Variants in TMEM178A observed in about 807,000 individuals in gnomAD.
The protein encoded by TMEM178A is transmembrane protein 178A, also known as transmembrane protein 178.
Under a neutral mutation model 29.1 loss-of-function variants are expected in TMEM178A, and 12 were observed. The observed-to-expected ratio is 0.41, with a 90% CI of 0.26 to 0.67. The LOEUF (loss-of-function observed/expected upper bound fraction) is 0.67. Ranked by LOEUF, TMEM178A falls within the 30% of genes least tolerant of loss-of-function variation. TMEM178A has a pLI of 0.29. For missense variants in TMEM178A, 366 were observed against 419.1 expected (o/e 0.87, Z 1.11); for synonymous variants, 210 against 187.2 (o/e 1.12, Z -0.99).
At chr2:39,733,886 C>A in the TMEM178A span, among the ~76,000 whole-genome samples, 1 of 152,132 alleles carries the variant, frequency 6.6e-6, no homozygotes, top group Non-Finnish European at 1.5e-5. Context: ...AAAGCTAATT[C>A]CTCCAATTGT....
the TMEM178A span, among the ~76,000 whole-genome samples, chr2:39,724,550 C>T: frequency 6.6e-6 from 1 of 152,128 alleles, no homozygotes; most frequent in African/African-American, 2.4e-5. Context: ...GATGTGGAGT[C>T]AAAACAAGGA....
At chr2:39,681,210 A>C (rs916788457) in intron 1 of TMEM178A, among the ~76,000 whole-genome samples, 2 of 152,114 alleles carry the variant, frequency 1.3e-5, no homozygotes, top group Non-Finnish European at 2.9e-5. Flanking sequence ...CTGCTACTCA[A>C]CCTCTGATGC....
At chr2:39,681,298 C>T (rs1041340452) in intron 1 of TMEM178A, among the ~76,000 whole-genome samples, 1 of 152,200 alleles carries the variant, frequency 6.6e-6, no homozygotes, top group Non-Finnish European at 1.5e-5. Context: ...TCTGTGTCAT[C>T]TCCATCAGGG....
At chr2:39,719,357 A>C (rs975697907), downstream of TMEM178A, among the ~76,000 whole-genome samples, 18 of 152,232 alleles carry the variant, frequency 1.2e-4, no homozygotes, top group Non-Finnish European at 1.6e-4. Flanking sequence ...TGAGAGTGGA[A>C]GAAAGCCTCG....
At chr2:39,705,819 G>A (rs949008002) in intron 2 of TMEM178A, among the ~76,000 whole-genome samples, 3 of 152,182 alleles carry the variant, frequency 2.0e-5, no homozygotes, top group African/African-American at 7.2e-5. Context: ...CGAACAGTGT[G>A]ATCTGCACCT....
chr2:39,710,842 A>G (rs930830988), intron 3 of TMEM178A, among the ~76,000 whole-genome samples: 24 of 152,360 alleles, frequency 1.6e-4, no homozygotes, highest in African/African-American at 5.8e-4. Flanking sequence ...TATTAGCTAA[A>G]CCTTCAAATG....
chr2:39,735,224 C>T, the TMEM178A span, among the ~76,000 whole-genome samples: 17 of 152,244 alleles, frequency 1.1e-4, no homozygotes, highest in South Asian at 6.2e-4. Flanking sequence ...ATCCTTTATC[C>T]GCAGTATCCA....
Position 39,666,146 on chromosome 2 carries a change from C to G in TMEM178A, c.172C>G (p.Arg58Gly). ...AGADPPDQKN[R>G]LMPLSHLPLR... ...CGCCGACCCCCCGGACCAGAAGAAC[C>G]GCCTGATGCCGCTGTCGCACCTGCC... The change falls in exon 1 of 4, where the codon CGC becomes GGC. Residue 58 changes from arginine (R) to glycine (G), a missense_variant. Physicochemically the swap from Arg to Gly is moderately radical, Grantham distance 125. Around this residue, in one of 2 missense-constraint regions of TMEM178A, gnomAD observed 247 missense variants for 246.8 expected, o/e 1.00. Coordinates refer to ENST00000281961, the MANE Select transcript of TMEM178A (RefSeq NM_152390.3). The G allele has an allele frequency of 6.6e-7, 1 of 1,516,718 alleles. No homozygotes were observed. The highest frequency in any genetic ancestry group is 8.8e-7 in the Non-Finnish European group (1 of 1,138,838). The allele number at this position is 1,516,718 out of a possible 1,614,324, so 94.0% of individuals were successfully genotyped here.
chr2:39,728,342 C>T, the TMEM178A span, among the ~76,000 whole-genome samples: 2 of 152,084 alleles, frequency 1.3e-5, no homozygotes, highest in Admixed American at 6.5e-5. Flanking sequence ...TCGGTGTCTC[C>T]CTGGACAGCT....
intron 1 of TMEM178A, among the ~76,000 whole-genome samples, chr2:39,693,304 T>C (rs1250689802): frequency 1.3e-5 from 2 of 152,244 alleles, no homozygotes; most frequent in Non-Finnish European, 2.9e-5. Flanking sequence ...TTTTGTGTTC[T>C]GACTATATTG....
In TMEM178A at chr2:39,717,046, C is replaced by G. The variant is rs1395123411; in HGVS notation, c.689C>G (p.Ala230Gly). The G allele has an allele frequency of 6.8e-6, 11 of 1,610,436 alleles. No homozygotes were observed. Among genetic ancestry groups the G allele is most frequent in the Admixed American group, 1.7e-5 (1 of 59,376 alleles). The change falls in exon 4 of 4, where the codon GCC becomes GGC. Residue 230 changes from alanine to glycine, a missense_variant. Ala to Gly is a moderately conservative substitution (Grantham distance 60). Around this residue, in one of 2 missense-constraint regions of TMEM178A, gnomAD observed 119 missense variants for 172.2 expected, o/e 0.69. Coordinates refer to ENST00000281961, the MANE Select transcript of TMEM178A (RefSeq NM_152390.3). Reference protein sequence around the residue: ...FCTISLCTYAASISYDLNRLP... With the variant: ...FCTISLCTYAGSISYDLNRLP... ...ACCATTTCCCTCTGTACTTATGCCG[C>G]CAGTATCTCGTATGATTTGAACCGG...
At chr2:39,676,506 T>G (rs573709861) in intron 1 of TMEM178A, among the ~76,000 whole-genome samples, 1 of 152,314 alleles carries the variant, frequency 6.6e-6, no homozygotes, top group South Asian at 2.1e-4. Context: ...GAAGGCGTCC[T>G]GCAGACTTCC....
chr2:39,709,506 G>C (rs1290406447), intron 3 of TMEM178A, among the ~76,000 whole-genome samples: 1 of 152,204 alleles, frequency 6.6e-6, no homozygotes, highest in Non-Finnish European at 1.5e-5. Context: ...CTCAAGACCA[G>C]CCACTGGGTT....
Position 39,717,087 on chromosome 2 carries a change from T to C in TMEM178A, c.730T>C (p.Tyr244His). The change falls in exon 4 of 4, where the codon TAT (tyrosine) becomes CAT (histidine). Residue 244 changes from tyrosine (Y) to histidine (H), a missense_variant. By Grantham distance (83) the Tyr-to-His change is moderately conservative. This residue lies in a region of TMEM178A where 119 missense variants were observed against 172.2 expected (regional missense o/e 0.69). Coordinates refer to ENST00000281961, the MANE Select transcript of TMEM178A (RefSeq NM_152390.3). Reference sequence around the variant, plus strand: ...TTTGAACCGGCTCCCAAAGCTAATTTATAGCCTGCCTGCTGATGTGGAACA... The same window carrying C: ...TTTGAACCGGCTCCCAAAGCTAATTCATAGCCTGCCTGCTGATGTGGAACA... ...YDLNRLPKLI[Y>H]SLPADVEHGY... 1 of 1,612,044 alleles carries C rather than the reference T, an allele frequency of 6.2e-7. No individual in the cohort carries two copies. The highest frequency in any genetic ancestry group is 8.5e-7 in the Non-Finnish European group (1 of 1,179,728).
chr2:39,711,818 G>A (rs148979049), intron 3 of TMEM178A, among the ~76,000 whole-genome samples: 3 of 152,104 alleles, frequency 2.0e-5, no homozygotes, highest in South Asian at 2.1e-4. Flanking sequence ...GTAACACGGT[G>A]CATATATCCT....
the TMEM178A span, among the ~76,000 whole-genome samples, chr2:39,733,647 A>G: frequency 6.6e-6 from 1 of 152,202 alleles, no homozygotes; most frequent in South Asian, 2.1e-4. Context: ...AACTGTGCCA[A>G]TATTTTCACT....
Position 39,707,092 on chromosome 2 carries a change from C to A in TMEM178A, c.558C>A (p.Ala186=). ...ITAGFLGMAV[A]VLLCGCIVAT... The stretch of plus-strand genomic sequence containing the variant: ...CTGGCTTCCTCGGCATGGCCGTAGC[C>A]GTCCTTCTCTGCGGCTGCATTGTGG... Residue 186 remains alanine, a synonymous_variant, in exon 3 of 4, where the codon GCC becomes GCA. Coordinates refer to ENST00000281961, the MANE Select transcript of TMEM178A (RefSeq NM_152390.3). 1 of 1,614,056 alleles carries A rather than the reference C, an allele frequency of 6.2e-7. No individual in the cohort carries two copies.
chr2:39,697,566 G>A (rs1454123262), intron 1 of TMEM178A, among the ~76,000 whole-genome samples: 1 of 152,088 alleles, frequency 6.6e-6, no homozygotes, highest in African/African-American at 2.4e-5. Context: ...CACACTCTTT[G>A]GAGTCCTTGA....
intron 3 of TMEM178A, among the ~76,000 whole-genome samples, chr2:39,709,636 G>A (rs1299574837): frequency 1.3e-5 from 2 of 152,104 alleles, no homozygotes; most frequent in African/African-American, 4.8e-5. Flanking sequence ...GGGCTTAATG[G>A]TTATTTAAAA....
Sources: gnomAD v4.1 joint callset for allele counts (sites outside exome capture counted in the v4.1 genomes callset) on GRCh38, gnomAD v4.1.1 for gene constraint, gnomAD v4.1.1 regional missense constraint, MANE v1.5 for transcripts, NCBI Gene and HGNC (gene_info 2026-07-23, HGNC 2026-07-21) for gene names.